The following PLCL1 variants were observed in gnomAD, a reference collection of about 807,000 sequenced individuals.
PLCL1 encodes inactive phospholipase C-like protein 1.
Under a neutral mutation model 84.4 loss-of-function variants are expected in PLCL1, and 41 were observed. That is an observed-to-expected ratio of 0.49 (90% CI 0.38 to 0.63). The LOEUF (loss-of-function observed/expected upper bound fraction) is 0.63, where lower values mean the gene tolerates loss of function less well. PLCL1 is among the 30% of genes least tolerant of loss of function. PLCL1 has a pLI of 0.00. For synonymous variants in PLCL1, 490 were observed against 488.3 expected (o/e 1.00, Z -0.05); for missense variants, 1,206 against 1,367.8 (o/e 0.88, Z 1.87).
At chr2:198,093,979 C>A (rs1382239897) in intron 3 of PLCL1, among the ~76,000 whole-genome samples, 1 of 151,858 alleles carries the variant, frequency 6.6e-6, no homozygotes, top group East Asian at 1.9e-4. Context: ...TAAATAAATC[C>A]CACTATTTAT....
chr2:198,031,250 T>G (rs929969429), intron 1 of PLCL1, among the ~76,000 whole-genome samples: 1 of 151,184 alleles, frequency 6.6e-6, no homozygotes, highest in African/African-American at 2.4e-5. Context: ...TGCAAATACT[T>G]GTAGTCCTAG....
chr2:198,035,300 G>T (rs983773005), intron 1 of PLCL1, among the ~76,000 whole-genome samples: 1 of 152,134 alleles, frequency 6.6e-6, no homozygotes, highest in Non-Finnish European at 1.5e-5. Context: ...CAATCTAATT[G>T]CCTAGCTGTA....
At chr2:197,909,712 A>T (rs1688448227) in intron 1 of PLCL1, among the ~76,000 whole-genome samples, 1 of 152,154 alleles carries the variant, frequency 6.6e-6, no homozygotes. Context: ...TGGAGAGTGG[A>T]GTTCTCTAGG....
chr2:198,072,391 T>C (rs1692483898), intron 1 of PLCL1, among the ~76,000 whole-genome samples: 1 of 151,884 alleles, frequency 6.6e-6, no homozygotes, highest in Non-Finnish European at 1.5e-5. Flanking sequence ...TTTGGGATTT[T>C]CTCGGTAAAT....
intron 1 of PLCL1, among the ~76,000 whole-genome samples, chr2:197,998,454 C>G (rs981537312): frequency 6.6e-6 from 1 of 151,858 alleles, no homozygotes; most frequent in African/African-American, 2.4e-5. Flanking sequence ...TCATAGATGT[C>G]CAAGTTGCTG....
chr2:197,832,036 G>T (rs779556046), intron 1 of PLCL1, among the ~76,000 whole-genome samples: 21 of 152,118 alleles, frequency 1.4e-4, no homozygotes, highest in Non-Finnish European at 2.4e-4. Flanking sequence ...AGCACTAAAT[G>T]CTCACAGGAG....
intron 3 of PLCL1, among the ~76,000 whole-genome samples, chr2:198,095,783 A>G (rs753532876): frequency 4.6e-5 from 7 of 152,152 alleles, no homozygotes; most frequent in African/African-American, 1.4e-4. Context: ...TCATTCTGCA[A>G]TCGTGTTTTT....
chr2:198,073,531 T>C (rs1200907533), intron 1 of PLCL1, among the ~76,000 whole-genome samples: 1 of 152,248 alleles, frequency 6.6e-6, no homozygotes, highest in Non-Finnish European at 1.5e-5. Context: ...AGCCAAAGGT[T>C]CTGTATCTCT....
intron 1 of PLCL1, among the ~76,000 whole-genome samples, chr2:197,898,046 G>A (rs578099759): frequency 1.1e-4 from 16 of 152,288 alleles, no homozygotes; most frequent in Admixed American, 8.5e-4. Flanking sequence ...GAGAAGCCAC[G>A]CATTTTAGCT....
chr2:197,930,812 A>T (rs1243566035), intron 1 of PLCL1, among the ~76,000 whole-genome samples: 2 of 152,200 alleles, frequency 1.3e-5, no homozygotes, highest in Non-Finnish European at 2.9e-5. Flanking sequence ...TTTAACTCAC[A>T]AAAGTTCCCA....
chr2:198,113,628 G>A (rs2105921767), intron 5 of PLCL1, among the ~76,000 whole-genome samples: 1 of 151,962 alleles, frequency 6.6e-6, no homozygotes, highest in East Asian at 2.0e-4. Flanking sequence ...AGCCTTTCAT[G>A]GATTCCAAAA....
At chr2:197,969,751 G>T (rs1689822506) in intron 1 of PLCL1, among the ~76,000 whole-genome samples, 1 of 152,186 alleles carries the variant, frequency 6.6e-6, no homozygotes, top group South Asian at 2.1e-4. Flanking sequence ...GTGATCAGAA[G>T]TGATGCAAAT....
intron 1 of PLCL1, among the ~76,000 whole-genome samples, chr2:197,864,636 A>G (rs1396933305): frequency 6.6e-6 from 1 of 151,890 alleles, no homozygotes; most frequent in African/African-American, 2.4e-5. Context: ...GTGTGCCACC[A>G]TGCCTGGCTA....
chr2:198,008,128 T>C (rs1398256294), intron 1 of PLCL1, among the ~76,000 whole-genome samples: 1 of 152,130 alleles, frequency 6.6e-6, no homozygotes, highest in Non-Finnish European at 1.5e-5. Context: ...AAAATCACAA[T>C]GAACTCTTCC....
rs537207661 is a variant in PLCL1, at chr2:198,107,231, C to A, written c.3105+3295C>A. Among the ~76,000 whole-genome samples, 6 of 151,920 alleles carry A rather than the reference C, an allele frequency of 3.9e-5. No individual in the cohort carries two copies. The South Asian group carries it at 1.2e-3, about 32-fold the overall frequency. Reference sequence around the variant, plus strand: ...CCATCAGATCTTGTGAGAACTCACTCACTATTATGAAAACAGCATGAGGAT... The same window carrying A: ...CCATCAGATCTTGTGAGAACTCACTAACTATTATGAAAACAGCATGAGGAT... On this transcript the variant is annotated intron_variant, in intron 5 of 5. Coordinates refer to ENST00000428675, the MANE Select transcript of PLCL1 (RefSeq NM_006226.4).
chr2:197,917,530 G>C (rs1688619721), intron 1 of PLCL1, among the ~76,000 whole-genome samples: 1 of 152,162 alleles, frequency 6.6e-6, no homozygotes, highest in African/African-American at 2.4e-5. Context: ...TATTTTGTAT[G>C]ATATTGTAAT....
intron 1 of PLCL1, among the ~76,000 whole-genome samples, chr2:197,836,275 C>T (rs1383773969): frequency 1.3e-5 from 2 of 151,614 alleles, no homozygotes; most frequent in Non-Finnish European, 2.9e-5. Flanking sequence ...GAAACCCCGT[C>T]TCTACTAAAA....
intron 1 of PLCL1, among the ~76,000 whole-genome samples, chr2:198,043,749 G>A (rs945418761): frequency 6.6e-6 from 1 of 152,136 alleles, no homozygotes; most frequent in Non-Finnish European, 1.5e-5. Flanking sequence ...GGGGGAGGTG[G>A]CAGAGAAGGG....
At chr2:198,027,715 G>A (rs1691306364) in intron 1 of PLCL1, among the ~76,000 whole-genome samples, 1 of 152,142 alleles carries the variant, frequency 6.6e-6, no homozygotes, top group Non-Finnish European at 1.5e-5. Flanking sequence ...ACTTAATAGT[G>A]CTATACTTAT....
Sources: allele counts gnomAD v4.1 joint callset (sites outside exome capture counted in the v4.1 genomes callset), GRCh38; gene constraint gnomAD v4.1.1; transcripts MANE v1.5; gene names NCBI Gene and HGNC (gene_info 2026-07-23, HGNC 2026-07-21).